CDK14: variants seen among roughly 807,000 people sequenced by gnomAD.
CDK14 encodes the protein cyclin dependent kinase 14.
In CDK14, 34 loss-of-function variants were observed where a neutral mutation model predicts 60.7. The ratio of observed to expected loss-of-function variants is 0.56; its 90% CI spans 0.43 to 0.75. The LOEUF (loss-of-function observed/expected upper bound fraction) is 0.75, where lower values mean the gene tolerates loss of function less well. Ranked by LOEUF, CDK14 falls within the 30% of genes least tolerant of loss-of-function variation. CDK14 has a pLI of 0.00. For synonymous variants in CDK14, 197 were observed against 203.7 expected (o/e 0.97, Z 0.28); for missense variants, 482 against 564.1 (o/e 0.85, Z 1.47).
At chr7:91,059,325 A>T (rs1038442413) in intron 11 of CDK14, among the ~76,000 whole-genome samples, 2 of 151,896 alleles carry the variant, frequency 1.3e-5, no homozygotes, top group Non-Finnish European at 2.9e-5. Context: ...CTAGCGGTCT[A>T]TCAATTTTGT....
At chr7:90,604,136 T>G in intron 1 of CDK14, 82 bp from the exon 2 acceptor site, 2 of 892,174 alleles carry the variant, frequency 2.2e-6, no homozygotes, top group Non-Finnish European at 3.4e-6. Context: ...CCATACTGCC[T>G]TGTTTTTTTT....
At chr7:90,826,356 C>T (rs948030973) in intron 5 of CDK14, among the ~76,000 whole-genome samples, 6 of 152,034 alleles carry the variant, frequency 3.9e-5, no homozygotes, top group Admixed American at 3.9e-4. Flanking sequence ...GTAGCTGGGA[C>T]TACTGGCGCC....
chr7:91,071,448 A>AC (rs1554419026), intron 11 of CDK14, among the ~76,000 whole-genome samples: 8 of 151,468 alleles, frequency 5.3e-5, no homozygotes, highest in Admixed American at 1.3e-4. Flanking sequence ...GGGACCCCTC[A>AC]CCCCCCCAGC....
chr7:90,970,547 T>G (rs1272436131), intron 9 of CDK14, among the ~76,000 whole-genome samples: 1 of 152,212 alleles, frequency 6.6e-6, no homozygotes, highest in Non-Finnish European at 1.5e-5. Flanking sequence ...ACAAAGAGAT[T>G]GCTGACCCTG....
chr7:90,692,598 T>C, intron 2 of CDK14: 1 of 649,316 alleles, frequency 1.5e-6, no homozygotes, highest in Non-Finnish European at 1.9e-6. Context: ...TGATATGGAC[T>C]AAGAAGAATG....
At chr7:90,854,945 A>T (rs1474334688) in intron 5 of CDK14, among the ~76,000 whole-genome samples, 3 of 152,184 alleles carry the variant, frequency 2.0e-5, no homozygotes, top group Non-Finnish European at 4.4e-5. Context: ...GTTACTAGCA[A>T]GATGTTTGCA....
chr7:90,835,452 G>A (rs958923454), intron 5 of CDK14, among the ~76,000 whole-genome samples: 2 of 152,172 alleles, frequency 1.3e-5, no homozygotes, highest in African/African-American at 2.4e-5. Context: ...AGATGGTTGA[G>A]TTTGCCCTTT....
intron 9 of CDK14, among the ~76,000 whole-genome samples, chr7:90,971,274 GGAAA>G (rs1362120450): frequency 1.3e-5 from 2 of 152,016 alleles, no homozygotes; most frequent in East Asian, 3.9e-4. Flanking sequence ...AAGGTCACAG[GGAAA>G]GACAGTGTGA....
chr7:90,661,170 A>T (rs1322121846), intron 2 of CDK14, among the ~76,000 whole-genome samples: 1 of 152,212 alleles, frequency 6.6e-6, no homozygotes, highest in Non-Finnish European at 1.5e-5. Flanking sequence ...AGTCCTGTGG[A>T]AATTCTTGAG....
intron 10 of CDK14, among the ~76,000 whole-genome samples, chr7:91,041,852 CCATT>C (rs1797100211): frequency 6.6e-6 from 1 of 152,212 alleles, no homozygotes; most frequent in Non-Finnish European, 1.5e-5. Flanking sequence ...TCCAGACACA[CCATT>C]CATTCATTCA....
At chr7:90,733,735 AC>A (rs1802969163) in intron 3 of CDK14, among the ~76,000 whole-genome samples, 1 of 152,174 alleles carries the variant, frequency 6.6e-6, no homozygotes, top group Non-Finnish European at 1.5e-5. Flanking sequence ...TTAATACAGC[AC>A]ACTGATGGGT....
chr7:91,046,501 T>G (rs1386468454), intron 11 of CDK14, among the ~76,000 whole-genome samples: 1 of 152,198 alleles, frequency 6.6e-6, no homozygotes, highest in Non-Finnish European at 1.5e-5. Context: ...AAATGTGAAC[T>G]TTTAAAGTAA....
chr7:90,639,610 C>G (rs922333711), intron 2 of CDK14, among the ~76,000 whole-genome samples: 1 of 150,420 alleles, frequency 6.6e-6, no homozygotes, highest in South Asian at 2.1e-4. Context: ...GCAGTCTGCC[C>G]GTTCTCAGAT....
chr7:90,781,230 G>C (rs952016120), intron 4 of CDK14, among the ~76,000 whole-genome samples: 3 of 152,132 alleles, frequency 2.0e-5, no homozygotes, highest in African/African-American at 7.2e-5. Context: ...AGAAGTGTCT[G>C]TTCATGTCCT....
chr7:90,722,934 A>G (rs1802509496), intron 2 of CDK14, among the ~76,000 whole-genome samples: 1 of 152,198 alleles, frequency 6.6e-6, no homozygotes, highest in Non-Finnish European at 1.5e-5. Context: ...AAGCCAACAA[A>G]TGACTTTTTT....
At chr7:90,704,067 T>A (rs1801844562) in intron 2 of CDK14, among the ~76,000 whole-genome samples, 1 of 152,206 alleles carries the variant, frequency 6.6e-6, no homozygotes, top group Non-Finnish European at 1.5e-5. Context: ...TACTTCAGCC[T>A]GGGCAACAGA....
At chr7:91,173,662 G>C (rs1320922661) in intron 14 of CDK14, among the ~76,000 whole-genome samples, 1 of 152,312 alleles carries the variant, frequency 6.6e-6, no homozygotes, top group African/African-American at 2.4e-5. Context: ...AGGGGTCAGG[G>C]AGTTCCCTTT....
Position 90,984,217 on chromosome 7 carries a change from G to C in CDK14, c.1017G>C (p.Gln339His), listed in dbSNP as rs767018307. ...VAAFPGMKDI[Q>H]DQLERIFLVL... is the part of the protein sequence containing the mutation. ...CTTTTCCAGGAATGAAAGACATTCA[G>C]GATCAACTTGAACGAATATTTCTGG... is the stretch of plus-strand genomic sequence containing the variant. The change falls in exon 10 of 15, where the codon CAG becomes CAC. Residue 339 changes from glutamine to histidine, a missense_variant. Physicochemically the swap from Gln to His is conservative, Grantham distance 24. Coordinates refer to ENST00000380050, the MANE Select transcript of CDK14 (RefSeq NM_001287135.2). 8.1e-6 allele frequency: 13 copies of C among 1,611,964 alleles called. No individual in the cohort carries two copies. In the South Asian group the frequency reaches 1.3e-4, roughly 16 times the overall value.
chr7:90,695,634 C>T (rs1033347626), intron 2 of CDK14, among the ~76,000 whole-genome samples: 6 of 152,026 alleles, frequency 3.9e-5, no homozygotes, highest in Middle Eastern at 3.4e-3. Context: ...AGGGGAAAAA[C>T]GGATGGGAGG....
Sources: gnomAD v4.1 joint callset for allele counts (sites outside exome capture counted in the v4.1 genomes callset) on GRCh38, gnomAD v4.1.1 for gene constraint, MANE v1.5 for transcripts, NCBI Gene and HGNC (gene_info 2026-07-23, HGNC 2026-07-21) for gene names.